The following BBOX1 variants were observed in gnomAD, a reference collection of about 807,000 sequenced individuals.
BBOX1 encodes gamma-butyrobetaine dioxygenase.
In BBOX1, 35 loss-of-function variants were observed where a neutral mutation model predicts 41.6. The observed-to-expected ratio is 0.84, with a 90% CI of 0.64 to 1.11. BBOX1 has a LOEUF of 1.11. BBOX1 is among the 50% of genes most tolerant of loss of function. The pLI is 0.00. For synonymous variants in BBOX1, 163 were observed against 154.7 expected (o/e 1.05, Z -0.40); for missense variants, 458 against 460.6 (o/e 0.99, Z 0.05).
intron 8 of BBOX1, among the ~76,000 whole-genome samples, chr11:27,126,706 T>C (rs543604863): frequency 8.7e-5 from 13 of 149,990 alleles, no homozygotes; most frequent in Non-Finnish European, 1.8e-4. Context: ...GACGGAGTCT[T>C]GCTCTGTCGC....
At chr11:27,079,514 C>G (rs1003644381) in intron 4 of BBOX1, among the ~76,000 whole-genome samples, 1 of 152,016 alleles carries the variant, frequency 6.6e-6, no homozygotes, top group African/African-American at 2.4e-5. Context: ...CATAGAAGAG[C>G]AGATCTCAAT....
At position 27,115,527 on chromosome 11, in the gene BBOX1, T is replaced by C. The variant is rs756715393; in HGVS notation, c.609T>C (p.Thr203=). The C allele has an allele frequency of 1.2e-6, 2 of 1,610,968 alleles. No homozygotes were observed. Among genetic ancestry groups the C allele is most frequent in the South Asian group, 1.1e-5 (1 of 90,928 alleles). The change falls in exon 6 of 9, where the codon ACT becomes ACC. Residue 203 remains threonine, a synonymous_variant. Coordinates refer to ENST00000263182, the MANE Select transcript of BBOX1 (RefSeq NM_003986.3). The stretch of plus-strand genomic sequence containing the variant: ...CAACTGGGAAGCTAAGCTTTCACAC[T>C]GATTATCCAGCCCTCCATCATCCAC... ...AYTTGKLSFH[T]DYPALHHPPG... is the part of the protein sequence containing the mutation.
At chr11:27,093,082 T>A (rs952294708) in intron 4 of BBOX1, 86 bp from the exon 5 acceptor site, 1 of 1,293,012 alleles carries the variant, frequency 7.7e-7, no homozygotes, top group African/African-American at 1.5e-5. Context: ...CAATCAACTT[T>A]AATGAACTAG....
chr11:27,074,055 A>C (rs1778230199), intron 4 of BBOX1, among the ~76,000 whole-genome samples: 1 of 152,006 alleles, frequency 6.6e-6, no homozygotes. Flanking sequence ...TAGAACTTAA[A>C]GTATAATATA....
intron 5 of BBOX1, among the ~76,000 whole-genome samples, chr11:27,105,569 G>C (rs1023539488): frequency 1.1e-4 from 17 of 152,234 alleles, no homozygotes; most frequent in African/African-American, 4.1e-4. Context: ...AACTATCAAA[G>C]CCTCCAAGAA....
Position 27,055,503 on chromosome 11 carries a change from G to C in BBOX1, c.73G>C (p.Glu25Gln). Reference sequence around the variant, plus strand: ...GATGCAGATCCTCTGGTATGATGAGGAAGAGTCTCTCTACCCAGCTGTATG... The same window carrying C: ...GATGCAGATCCTCTGGTATGATGAGCAAGAGTCTCTCTACCCAGCTGTATG... ...HLMQILWYDE[E>Q]ESLYPAVWLR... Residue 25 changes from glutamate to glutamine, a missense_variant, in exon 3 of 9, where the codon GAA (glutamate) becomes CAA (glutamine). Coordinates refer to ENST00000263182, the MANE Select transcript of BBOX1 (RefSeq NM_003986.3). 6.2e-7 allele frequency: 1 copy of C among 1,614,074 alleles called. No individual in the cohort carries two copies. The highest frequency in any genetic ancestry group is 8.5e-7 in the Non-Finnish European group (1 of 1,180,040).
intron 5 of BBOX1, among the ~76,000 whole-genome samples, chr11:27,112,656 C>G (rs1014792563): frequency 2.6e-5 from 4 of 151,934 alleles, no homozygotes; most frequent in Non-Finnish European, 4.4e-5. Context: ...AAATTCAACT[C>G]AAGATGAATT....
chr11:27,071,026 A>G (rs2133992589), intron 4 of BBOX1, among the ~76,000 whole-genome samples: 1 of 152,184 alleles, frequency 6.6e-6, no homozygotes, highest in African/African-American at 2.4e-5. Flanking sequence ...TCCTTCATTT[A>G]TGGAACTTAG....
intron 5 of BBOX1, among the ~76,000 whole-genome samples, chr11:27,104,627 T>G (rs1276077904): frequency 6.6e-6 from 1 of 152,176 alleles, no homozygotes; most frequent in Non-Finnish European, 1.5e-5. Flanking sequence ...TATCTTCGTT[T>G]CTCTAGTTTG....
chr11:27,080,011 A>G (rs573447365), intron 4 of BBOX1, among the ~76,000 whole-genome samples: 1 of 152,180 alleles, frequency 6.6e-6, no homozygotes, highest in Non-Finnish European at 1.5e-5. Context: ...CCTATAGCTT[A>G]TTTCCTATTC....
chr11:27,069,244 T>C (rs1275631825), intron 4 of BBOX1, among the ~76,000 whole-genome samples: 1 of 152,146 alleles, frequency 6.6e-6, no homozygotes, highest in Non-Finnish European at 1.5e-5. Flanking sequence ...TTGTGTCACG[T>C]ATGATTTCTT....
In BBOX1 at chr11:27,093,196, G is replaced by C. The variant is rs143521523; in HGVS notation, c.363G>C (p.Gln121His). Residue 121 changes from glutamine to histidine, a missense_variant, in exon 5 of 9, where the codon CAG becomes CAC. By Grantham distance (24) the Gln-to-His change is conservative. Transcript: ENST00000263182. ...GCCAATACTGGGGCTCAGAGCTCCA[G>C]CTACCCACTTTGGATTTTGAAGATG... is the stretch of plus-strand genomic sequence containing the variant. ...PECQYWGSEL[Q>H]LPTLDFEDVL... The C allele has an allele frequency of 2.6e-4, 426 of 1,612,132 alleles. No homozygotes were observed. The highest frequency in any genetic ancestry group is 3.3e-4 in the Non-Finnish European group (390 of 1,178,840).
intron 5 of BBOX1, among the ~76,000 whole-genome samples, chr11:27,109,450 A>C (rs1051502518): frequency 1.2e-4 from 18 of 152,092 alleles, no homozygotes; most frequent in Non-Finnish European, 2.6e-4. Flanking sequence ...TACCGTTTGA[A>C]CCTAAAGACC....
intron 4 of BBOX1, among the ~76,000 whole-genome samples, chr11:27,076,206 C>G (rs1857624663): frequency 6.6e-6 from 1 of 152,160 alleles, no homozygotes; most frequent in Admixed American, 6.5e-5. Context: ...GCAAGGGATC[C>G]AGTGATGTGA....
intron 2 of BBOX1, among the ~76,000 whole-genome samples, chr11:27,051,893 G>A (rs1851681878): frequency 6.6e-6 from 1 of 151,500 alleles, no homozygotes. Flanking sequence ...GTTTATTTAA[G>A]ATCTTTTTTT....
chr11:27,124,484 CA>C (rs1245703498), intron 7 of BBOX1, among the ~76,000 whole-genome samples: 1 of 152,136 alleles, frequency 6.6e-6, no homozygotes, highest in Non-Finnish European at 1.5e-5. Flanking sequence ...CACCAAAGCT[CA>C]AATCTAAGAA....
rs1459422645 is a variant in BBOX1, at chr11:27,057,063, T to TAAAAAAAAAAAAAAAAAAAAAAAAAAAAA, written c.220-138_220-137insAAAAAAAAAAAAAAAAAAAAAAAAAAAAA. ...CCTGGCAACAGAGGAAGACTCCGAC[T>TAAAAAAAAAAAAAAAAAAAAAAAAAAAAA]TAAAAAAAAAAAAAAAAAAAAATTA... On this transcript the variant is annotated intron_variant, in intron 3 of 8. Transcript: ENST00000263182. 5.6e-4 allele frequency: 84 copies of TAAAAAAAAAAAAAAAAAAAAAAAAAAAAA among 149,856 alleles called. 32 individuals are homozygous for TAAAAAAAAAAAAAAAAAAAAAAAAAAAAA. The highest frequency in any genetic ancestry group is 1.3e-3 in the Admixed American group (7 of 5,312). 9.3% of individuals were successfully genotyped at this position (149,856 alleles called of 1,614,324 possible). A position where few individuals can be genotyped will look rare whatever the true frequency, so the allele number is the denominator to read the frequency against.
chr11:27,106,633 T>C (rs1858878782), intron 5 of BBOX1, among the ~76,000 whole-genome samples: 2 of 152,022 alleles, frequency 1.3e-5, no homozygotes, highest in Admixed American at 6.6e-5. Flanking sequence ...CACACAATAA[T>C]AATGGGAGAC....
intron 5 of BBOX1, among the ~76,000 whole-genome samples, chr11:27,107,522 T>G (rs1858913475): frequency 6.6e-6 from 1 of 152,030 alleles, no homozygotes; most frequent in African/African-American, 2.4e-5. Context: ...TGAGCTTGCC[T>G]CTTCAGTTTT....
Sources: allele counts gnomAD v4.1 joint callset (sites outside exome capture counted in the v4.1 genomes callset), GRCh38; gene constraint gnomAD v4.1.1; transcripts MANE v1.5; gene names NCBI Gene and HGNC (gene_info 2026-07-23, HGNC 2026-07-21).